Variants in CDH12 observed in about 807,000 individuals in gnomAD.
The protein encoded by CDH12 is cadherin 12.
In CDH12, 41 loss-of-function variants were observed where a neutral mutation model predicts 74.1. The ratio of observed to expected loss-of-function variants is 0.55; its 90% CI spans 0.43 to 0.72. CDH12 has a LOEUF of 0.72. Among genes scored for constraint, CDH12 ranks in the 30% least tolerant of loss-of-function variants. The pLI, the probability that CDH12 is intolerant of heterozygous loss-of-function variation, is 0.00. For missense variants in CDH12, 945 were observed against 977.2 expected (o/e 0.97, Z 0.44); for synonymous variants, 399 against 355.0 (o/e 1.12, Z -1.39).
chr5:22,330,963 A>G (rs1190452414), intron 3 of CDH12, among the ~76,000 whole-genome samples: 1 of 151,974 alleles, frequency 6.6e-6, no homozygotes, highest in Non-Finnish European at 1.5e-5. Flanking sequence ...CATGCACCAC[A>G]AGCTGATGGA....
At chr5:22,813,119 C>T (rs1218729354) in intron 1 of CDH12, among the ~76,000 whole-genome samples, 1 of 151,932 alleles carries the variant, frequency 6.6e-6, no homozygotes, top group African/African-American at 2.4e-5. Context: ...ATCTCACGAC[C>T]TACTGAAAAA....
At chr5:22,490,587 C>T (rs1746820949) in intron 2 of CDH12, among the ~76,000 whole-genome samples, 1 of 151,694 alleles carries the variant, frequency 6.6e-6, no homozygotes, top group South Asian at 2.1e-4. Flanking sequence ...AAATAAGGCT[C>T]TCTGCAAATT....
At chr5:22,153,514 CA>C (rs1747755208) in intron 4 of CDH12, among the ~76,000 whole-genome samples, 2 of 151,298 alleles carry the variant, frequency 1.3e-5, no homozygotes, top group Non-Finnish European at 2.9e-5. Context: ...CTCTGCAATC[CA>C]ACTGCTTGGT....
intron 3 of CDH12, among the ~76,000 whole-genome samples, chr5:22,246,954 T>G (rs1372413449): frequency 6.6e-6 from 1 of 152,190 alleles, no homozygotes; most frequent in African/African-American, 2.4e-5. Flanking sequence ...ACGTTTCATA[T>G]TCTAAAGCAT....
At chr5:22,745,849 C>T (rs112095911) in intron 1 of CDH12, among the ~76,000 whole-genome samples, 2 of 151,990 alleles carry the variant, frequency 1.3e-5, no homozygotes, top group Non-Finnish European at 2.9e-5. Flanking sequence ...TTAATCTGTA[C>T]AGCAAACCAC....
chr5:22,461,834 T>A (rs1745539245), intron 2 of CDH12, among the ~76,000 whole-genome samples: 1 of 151,948 alleles, frequency 6.6e-6, no homozygotes, highest in South Asian at 2.1e-4. Flanking sequence ...TCCATTTCTA[T>A]AGAATTTATT....
intron 4 of CDH12, among the ~76,000 whole-genome samples, chr5:22,208,328 G>T (rs1751338855): frequency 6.6e-6 from 1 of 152,108 alleles, no homozygotes; most frequent in African/African-American, 2.4e-5. Flanking sequence ...GGTATGCCTG[G>T]AATACGATAC....
At chr5:21,948,350 C>T (rs1015863209) in intron 6 of CDH12, among the ~76,000 whole-genome samples, 1 of 152,222 alleles carries the variant, frequency 6.6e-6, no homozygotes, top group African/African-American at 2.4e-5. Flanking sequence ...CTTGCATTAA[C>T]ATGCCCTGGA....
At chr5:22,322,376 A>AC (rs1738921756) in intron 3 of CDH12, among the ~76,000 whole-genome samples, 2 of 151,598 alleles carry the variant, frequency 1.3e-5, no homozygotes, top group Non-Finnish European at 1.5e-5. Flanking sequence ...TAAAAAAAAA[A>AC]AACATGGTAA....
At chr5:22,339,182 G>A (rs1009966203) in intron 3 of CDH12, among the ~76,000 whole-genome samples, 4 of 152,090 alleles carry the variant, frequency 2.6e-5, no homozygotes, top group Admixed American at 6.5e-5. Flanking sequence ...TCTGCACCAC[G>A]GTAGAAAGTA....
chr5:22,806,429 T>G (rs1414566474), intron 1 of CDH12, among the ~76,000 whole-genome samples: 1 of 149,764 alleles, frequency 6.7e-6, no homozygotes, highest in Admixed American at 6.7e-5. Context: ...CTCGGCTCAC[T>G]GCAAGCTCCG....
At chr5:22,752,795 C>G (rs1457221562) in intron 1 of CDH12, among the ~76,000 whole-genome samples, 1 of 151,204 alleles carries the variant, frequency 6.6e-6, no homozygotes, top group African/African-American at 2.4e-5. Flanking sequence ...GGGATGGTCT[C>G]GATCTCCTGA....
intron 3 of CDH12, among the ~76,000 whole-genome samples, chr5:22,352,126 GTT>G (rs77885542): frequency 7.3e-6 from 1 of 136,946 alleles, no homozygotes. Context: ...GCTTAGACTT[GTT>G]TTTTTTTTTT....
intron 6 of CDH12, among the ~76,000 whole-genome samples, chr5:21,891,426 C>A (rs558164945): frequency 6.6e-6 from 1 of 152,106 alleles, no homozygotes; most frequent in South Asian, 2.1e-4. Context: ...TCTCATTTTG[C>A]TTTCCATTAC....
chr5:22,485,190 T>C (rs1315369883), intron 2 of CDH12, among the ~76,000 whole-genome samples: 1 of 714 alleles, frequency 1.4e-3, no homozygotes, highest in Non-Finnish European at 6.1e-3. Flanking sequence ...TTTTCTTTTC[T>C]TTTTTTTTAG....
At chr5:22,705,272 T>C (rs1193946452) in intron 1 of CDH12, among the ~76,000 whole-genome samples, 1 of 151,778 alleles carries the variant, frequency 6.6e-6, no homozygotes, top group Admixed American at 6.6e-5. Flanking sequence ...TACATTTCCT[T>C]GCTCAGGACT....
At chr5:22,771,340 A>G (rs1746794662) in intron 1 of CDH12, among the ~76,000 whole-genome samples, 1 of 152,126 alleles carries the variant, frequency 6.6e-6, no homozygotes, top group Admixed American at 6.6e-5. Flanking sequence ...GCTGATGCAC[A>G]TGAACAATTA....
intron 4 of CDH12, among the ~76,000 whole-genome samples, chr5:22,110,474 G>A (rs1006637027): frequency 6.6e-6 from 1 of 152,004 alleles, no homozygotes; most frequent in Non-Finnish European, 1.5e-5. Context: ...TTTGGGGGAA[G>A]GGGTGGGGGT....
intron 4 of CDH12, among the ~76,000 whole-genome samples, chr5:22,167,565 G>A (rs905973914): frequency 2.6e-5 from 4 of 152,028 alleles, no homozygotes; most frequent in African/African-American, 9.7e-5. Flanking sequence ...TTTCTCTTCT[G>A]TAGGCCTGGA....
Sources: gnomAD v4.1 joint callset for allele counts (sites outside exome capture counted in the v4.1 genomes callset) on GRCh38, gnomAD v4.1.1 for gene constraint, MANE v1.5 for transcripts, NCBI Gene and HGNC (gene_info 2026-07-23, HGNC 2026-07-21) for gene names.